The following TUBGCP5 variants were observed in gnomAD, a reference collection of about 807,000 sequenced individuals.
The protein encoded by TUBGCP5 is tubulin gamma complex component 5.
In TUBGCP5, 98 loss-of-function variants were observed where a neutral mutation model predicts 134.7. The ratio of observed to expected loss-of-function variants is 0.73; its 90% confidence interval spans 0.62 to 0.86. TUBGCP5 has a LOEUF of 0.86. Ranked by LOEUF, TUBGCP5 falls within the 40% of genes least tolerant of loss-of-function variation. The pLI is 0.00. For missense variants in TUBGCP5, 1,150 were observed against 1,244.8 expected (o/e 0.92, Z 1.15); for synonymous variants, 456 against 431.4 (o/e 1.06, Z -0.71).
At chr15:22,987,181 G>T (rs1472212622) in intron 23 of TUBGCP5, among the ~76,000 whole-genome samples, 1 of 151,716 alleles carries the variant, frequency 6.6e-6, no homozygotes, top group Non-Finnish European at 1.5e-5. Flanking sequence ...AAAAATACAA[G>T]AAATTAACCG....
intron 13 of TUBGCP5, among the ~76,000 whole-genome samples, chr15:23,012,251 A>G (rs1437281202): frequency 1.3e-5 from 2 of 152,106 alleles, no homozygotes; most frequent in African/African-American, 2.4e-5. Flanking sequence ...GGCCCTGGGA[A>G]GCTCACTACA....
At chr15:23,000,093 CAG>C (rs1567094354) in intron 22 of TUBGCP5, among the ~76,000 whole-genome samples, 1 of 151,944 alleles carries the variant, frequency 6.6e-6, no homozygotes, top group Non-Finnish European at 1.5e-5. Flanking sequence ...GTATTTTTAG[CAG>C]AGACAGGGTT....
In TUBGCP5 at chr15:23,036,967, T is replaced by A. The variant is rs186510547; in HGVS notation, c.239A>T (p.Lys80Ile). The change falls in exon 3 of 23, where the codon AAA (lysine) becomes ATA (isoleucine). Residue 80 changes from lysine to isoleucine, a missense_variant. Physicochemically the swap from Lys to Ile is moderately radical, Grantham distance 102. Coordinates refer to ENST00000615383, the MANE Select transcript of TUBGCP5 (RefSeq NM_052903.6). ...EKFVIHSDLS[K>I]AASWKRLTEE... is the part of the protein sequence containing the mutation. Reference sequence around the variant, plus strand: ...CGTTAATCTCTTCCAACTAGCAGCTTTGCTTAGATCAGAATGAATGACAAA... The same window carrying A: ...CGTTAATCTCTTCCAACTAGCAGCTATGCTTAGATCAGAATGAATGACAAA... 64 of 1,612,448 alleles carry A rather than the reference T, an allele frequency of 4.0e-5. No homozygotes were observed. In the East Asian group the frequency reaches 1.4e-3, roughly 34 times the overall value.
intron 6 of TUBGCP5, 122 bp from the exon 7 acceptor site, chr15:23,027,428 C>T (rs983829504): frequency 1.4e-6 from 1 of 736,534 alleles, no homozygotes. Flanking sequence ...TAACAGCTAC[C>T]TAACATTTAT....
At position 23,036,982 on chromosome 15, in the gene TUBGCP5, T is replaced by C. The variant is rs770711815; in HGVS notation, c.224A>G (p.His75Arg). The C allele has an allele frequency of 3.1e-5, 49 of 1,602,664 alleles. No homozygotes were observed. The highest frequency in any genetic ancestry group is 6.7e-5 in the East Asian group (3 of 44,810). The part of the protein sequence containing the change: ...IEGIYEKFVI[H>R]SDLSKAASWK... ...ACTAGCAGCTTTGCTTAGATCAGAA[T>C]GAATGACAAATTTTTCATAAATTCT... Residue 75 changes from histidine to arginine, a missense_variant, in exon 3 of 23, where the codon CAT becomes CGT. By Grantham distance (29) the His-to-Arg change is conservative. Coordinates refer to ENST00000615383, the MANE Select transcript of TUBGCP5 (RefSeq NM_052903.6).
At chr15:22,983,937 C>T (rs2063606221) in intron 23 of TUBGCP5, among the ~76,000 whole-genome samples, 1 of 151,918 alleles carries the variant, frequency 6.6e-6, no homozygotes, top group Non-Finnish European at 1.5e-5. Flanking sequence ...GCCTGGCCAA[C>T]AGGACAAAAC....
downstream of TUBGCP5, among the ~76,000 whole-genome samples, chr15:22,995,955 G>A (rs2064056495): frequency 6.6e-6 from 1 of 152,126 alleles, no homozygotes; most frequent in African/African-American, 2.4e-5. Flanking sequence ...TTATGTGGAT[G>A]AGCTGTGTTT....
chr15:22,993,268 T>C (rs2063910072), intron 23 of TUBGCP5, among the ~76,000 whole-genome samples: 1 of 151,934 alleles, frequency 6.6e-6, no homozygotes, highest in Non-Finnish European at 1.5e-5. Flanking sequence ...CCCGGCTAAC[T>C]TTTGTATTTT....
At position 23,014,233 on chromosome 15, in the gene TUBGCP5, C is replaced by T. The variant is rs1348386897; in HGVS notation, c.1757-2902G>A. ...AGCATCAACCCCTTGCAGACAGGCC[C>T]GTGGCCTACCCAGTGGCCCTGGGTC... On this transcript the variant is annotated intron_variant, in intron 13 of 22. Coordinates refer to ENST00000615383, the MANE Select transcript of TUBGCP5 (RefSeq NM_052903.6). Among the ~76,000 whole-genome samples the T allele has an allele frequency of 2.0e-5, 3 of 152,208 alleles. No homozygotes were observed. In the East Asian group the frequency reaches 5.8e-4, roughly 29 times the overall value.
rs2066561117 is a variant in TUBGCP5 at position 23,035,884 on chromosome 15, G to C, written c.309+1013C>G. 2.6e-5 allele frequency among the ~76,000 whole-genome samples: 4 copies of C among 152,268 alleles called. No homozygotes were observed. In the South Asian group the frequency reaches 8.3e-4, roughly 32 times the overall value. The stretch of plus-strand genomic sequence containing the variant: ...CTGTCCACTGTGCTCTAGGTGTCCG[G>C]GAACAAATCAGACACAGAGCCCTAT... On this transcript the variant is annotated intron_variant, in intron 3 of 22. Coordinates refer to ENST00000615383, the MANE Select transcript of TUBGCP5 (RefSeq NM_052903.6).
intron 23 of TUBGCP5, among the ~76,000 whole-genome samples, chr15:22,986,624 G>C (rs1206720604): frequency 6.6e-6 from 1 of 151,914 alleles, no homozygotes; most frequent in Non-Finnish European, 1.5e-5. Flanking sequence ...TGTAATCCTA[G>C]CTACTCAGGG....
At chr15:22,997,208 C>T (rs1248963157), downstream of TUBGCP5, among the ~76,000 whole-genome samples, 7 of 151,412 alleles carry the variant, frequency 4.6e-5, no homozygotes, top group East Asian at 1.4e-3. Flanking sequence ...GAGACGGAGT[C>T]TTGCTCTGTC....
At position 23,011,282 on chromosome 15, in the gene TUBGCP5, G is replaced by C; in HGVS notation, c.1806C>G (p.Ser602=). The change falls in exon 14 of 23, where the codon TCC becomes TCG. Residue 602 remains serine (S), a synonymous_variant. Transcript: ENST00000615383. ...LYTLFLESVQ[S]RLRHGEDSTP... ...TGGAATCTTCTCCATGTCGAAGACG[G>C]GACTGTACAGATTCCAGAAAGAGAG... 6.2e-7 allele frequency: 1 copy of C among 1,613,882 alleles called. No homozygotes were observed. The highest frequency in any genetic ancestry group is 8.5e-7 in the Non-Finnish European group (1 of 1,179,992).
chr15:23,005,564 T>C lies in TUBGCP5; in HGVS notation c.2580A>G (p.Ile860Met). Reference protein sequence around the residue: ...AEKPRLKEGLIHEQDTVAQFG... With the variant: ...AEKPRLKEGLMHEQDTVAQFG... The stretch of plus-strand genomic sequence containing the variant: ...ACTGAGCAACTGTGTCTTGTTCATG[T>C]ATAAGGCCTTCTTTAAGTCGTGGTT... The change falls in exon 19 of 23, where the codon ATA (isoleucine) becomes ATG (methionine). Residue 860 changes from isoleucine (I) to methionine (M), a missense_variant. By Grantham distance (10) the Ile-to-Met change is conservative. Transcript: ENST00000615383. 1.2e-6 allele frequency: 2 copies of C among 1,614,178 alleles called. No homozygotes were observed. The highest frequency in any genetic ancestry group is 1.7e-6 in the Non-Finnish European group (2 of 1,180,036).
In TUBGCP5 at chr15:23,032,807, G is replaced by A. The variant is rs371004409; in HGVS notation, c.327C>T (p.Ser109=). 4 of 1,578,446 alleles carry A rather than the reference G, an allele frequency of 2.5e-6. No individual in the cohort carries two copies. The highest frequency in any genetic ancestry group is 1.9e-5 in the Admixed American group (1 of 51,970). The part of the protein sequence containing the change: ...IKEIKTDAHY[S]ILSLLLCLSD... ...ACAGACACAGAAGAAGTGACAGTAT[G>A]GAATAATGTGCATCTGTCTTTAAAA... The change falls in exon 4 of 23, where the codon TCC becomes TCT. Residue 109 remains serine (S), a synonymous_variant. Coordinates refer to ENST00000615383, the MANE Select transcript of TUBGCP5 (RefSeq NM_052903.6).
chr15:23,014,018 T>G (rs952451216), intron 13 of TUBGCP5, among the ~76,000 whole-genome samples: 1 of 152,178 alleles, frequency 6.6e-6, no homozygotes, highest in African/African-American at 2.4e-5. Context: ...AACCAGCCCC[T>G]GCCACTGCAC....
Position 23,009,971 on chromosome 15 carries a change from G to A in TUBGCP5, c.2118C>T (p.Leu706=), listed in dbSNP as rs1314039969. ...DKQYLDCCGN[L]MQTLKKDYRL... is the part of the protein sequence containing the mutation. ...TGTAATCTTTTTTTAGAGTTTGCAT[G>A]AGATTTCCACAGCAATCTAGATACT... is the stretch of plus-strand genomic sequence containing the variant. The change falls in exon 15 of 23, where the codon CTC becomes CTT. Residue 706 remains leucine (L), a synonymous_variant. Coordinates refer to ENST00000615383, the MANE Select transcript of TUBGCP5 (RefSeq NM_052903.6). The A allele has an allele frequency of 6.2e-7, 1 of 1,613,092 alleles. No homozygotes were observed. The highest frequency in any genetic ancestry group is 1.1e-5 in the South Asian group (1 of 90,884).
At position 23,003,218 on chromosome 15, in the gene TUBGCP5, T is replaced by C. The variant is rs1022895025; in HGVS notation, c.2839-65A>G. 9 of 1,468,028 alleles carry C rather than the reference T, an allele frequency of 6.1e-6. No individual in the cohort carries two copies. In the African/African-American group the frequency reaches 8.3e-5, roughly 14 times the overall value. 90.9% of individuals were successfully genotyped at this position (1,468,028 alleles called of 1,614,324 possible). On this transcript the variant is annotated intron_variant, in intron 20 of 22. Coordinates refer to ENST00000615383, the MANE Select transcript of TUBGCP5 (RefSeq NM_052903.6). Reference sequence around the variant, plus strand: ...GTTTGGACACTGATACCAACACTTTTACCTATTTTAAATGAATCACAGAAA... The same window carrying C: ...GTTTGGACACTGATACCAACACTTTCACCTATTTTAAATGAATCACAGAAA...
downstream of TUBGCP5, among the ~76,000 whole-genome samples, chr15:22,994,486 G>A (rs62009533): frequency 0.12 from 18,967 of 152,168 alleles, 1,599 homozygotes; most frequent in South Asian, 0.21. Flanking sequence ...TCAGTGTAAA[G>A]ATGTCTTTTC....
Sources: gnomAD v4.1 joint callset for allele counts (sites outside exome capture counted in the v4.1 genomes callset) on GRCh38, gnomAD v4.1.1 for gene constraint, MANE v1.5 for transcripts, NCBI Gene and HGNC (gene_info 2026-07-23, HGNC 2026-07-21) for gene names.